GNG2: variants seen among roughly 807,000 people sequenced by gnomAD.
GNG2 encodes the protein guanine nucleotide-binding protein G(I)/G(S)/G(O) subunit gamma-2.
GNG2 carries 5 observed loss-of-function variants against 5.5 expected under a neutral mutation model. That is an observed-to-expected ratio of 0.91 (90% confidence interval 0.48 to 1.92). GNG2 has a LOEUF of 1.92. Among genes scored for constraint, GNG2 ranks in the 30% most tolerant of loss-of-function variants. The pLI is 0.01. For missense variants in GNG2, 55 were observed against 88.4 expected, an observed-to-expected ratio of 0.62 and a Z score of 1.52; for synonymous variants, 28 against 32.0, an observed-to-expected ratio of 0.88 and a Z score of 0.42.
At chr14:51,944,183 A>C (rs1347672155) in intron 2 of GNG2, among the ~76,000 whole-genome samples, 2 of 151,984 alleles carry the variant, frequency 1.3e-5, no homozygotes, top group Non-Finnish European at 2.9e-5. Flanking sequence ...TGCCAAGACA[A>C]TTTGTCTGAC....
chr14:51,861,761 A>G (rs774261762), intron 1 of GNG2, among the ~76,000 whole-genome samples: 19 of 152,236 alleles, frequency 1.2e-4, no homozygotes, highest in Non-Finnish European at 2.2e-4. Context: ...AGATTGTGAG[A>G]TTCCTCTGAC....
chr14:51,850,167 T>C (rs1881841364), intron 2 of GNG2, among the ~76,000 whole-genome samples: 1 of 152,206 alleles, frequency 6.6e-6, no homozygotes, highest in South Asian at 2.1e-4. Context: ...TCAGCTTCTG[T>C]TGTTTTCATT....
chr14:51,858,357 C>T (rs901639589), upstream of GNG2, among the ~76,000 whole-genome samples: 1 of 152,134 alleles, frequency 6.6e-6, no homozygotes, highest in Non-Finnish European at 1.5e-5. Flanking sequence ...TTGGCACCTC[C>T]CAACACTGGC....
chr14:51,965,732 G>A (rs1301757442), intron 3 of GNG2, among the ~76,000 whole-genome samples: 1 of 152,136 alleles, frequency 6.6e-6, no homozygotes, highest in Non-Finnish European at 1.5e-5. Context: ...AAATTGACAT[G>A]GTTTTAGGCA....
At chr14:51,841,114 T>C (rs1048819406) in intron 2 of GNG2, among the ~76,000 whole-genome samples, 20 of 152,204 alleles carry the variant, frequency 1.3e-4, no homozygotes, top group African/African-American at 4.6e-4. Context: ...TAGTTATTTA[T>C]ACATAGGTCC....
intron 2 of GNG2, among the ~76,000 whole-genome samples, chr14:51,839,614 G>T (rs1881429268): frequency 6.6e-6 from 1 of 152,150 alleles, no homozygotes; most frequent in South Asian, 2.1e-4. Context: ...TCAGACGCCA[G>T]GGGTTGGAGG....
chr14:51,923,518 T>C (rs1190319527), intron 2 of GNG2, among the ~76,000 whole-genome samples: 3 of 148,374 alleles, frequency 2.0e-5, no homozygotes, highest in African/African-American at 7.5e-5. Flanking sequence ...TATGTGTATA[T>C]ATATGTGTAT....
intron 2 of GNG2, among the ~76,000 whole-genome samples, chr14:51,925,215 AT>A (rs1887238463): frequency 6.6e-6 from 1 of 152,260 alleles, no homozygotes; most frequent in African/African-American, 2.4e-5. Context: ...ATGTATGAAA[AT>A]ATCACTGTGT....
rs1305248305 is a variant in GNG2, at chr14:51,914,160, A to AT, written c.-29-36489dup. Reference sequence around the variant, plus strand: ...GTTTTTGGGGGAATGGAGTCATTCCATATTGGCTCTTGAGTATGTCTGCCA... The same window carrying AT: ...GTTTTTGGGGGAATGGAGTCATTCCATTATTGGCTCTTGAGTATGTCTGCCA... On this transcript the variant is annotated intron_variant, in intron 2 of 3. Transcript: ENST00000556766. The AT allele has an allele frequency of 4.1e-5, 29 of 699,762 alleles. No homozygotes were observed. The East Asian group carries it at 7.8e-4, about 19-fold the overall frequency. The allele number at this position is 699,762 out of a possible 1,614,324, so 43.3% of individuals were successfully genotyped here. A position where few individuals can be genotyped will look rare whatever the true frequency, so the allele number is the denominator to read the frequency against.
At chr14:51,877,528 A>T (rs1457772335) in intron 1 of GNG2, 89 bp from the exon 2 acceptor site, 1 of 437,908 alleles carries the variant, frequency 2.3e-6, no homozygotes, top group Admixed American at 2.5e-5. Context: ...CCCGTTTCAG[A>T]AACTTCATTC....
intron 3 of GNG2, among the ~76,000 whole-genome samples, chr14:51,964,009 G>A (rs370182705): frequency 2.6e-5 from 4 of 152,308 alleles, no homozygotes; most frequent in East Asian, 1.9e-4. Flanking sequence ...CTTGGAAATA[G>A]GGTATTTGTA....
At chr14:51,935,663 CCTTT>C (rs1887950550) in intron 2 of GNG2, among the ~76,000 whole-genome samples, 1 of 152,032 alleles carries the variant, frequency 6.6e-6, no homozygotes, top group African/African-American at 2.4e-5. Flanking sequence ...TTTTCTTTCT[CCTTT>C]CTTTTCTTTT....
chr14:51,926,922 T>C (rs534704989), intron 2 of GNG2, among the ~76,000 whole-genome samples: 41 of 152,338 alleles, frequency 2.7e-4, no homozygotes, highest in African/African-American at 9.9e-4. Flanking sequence ...CCATTAGCAG[T>C]TCCATTTGGT....
chr14:51,838,877 A>G (rs951598121), intron 2 of GNG2, among the ~76,000 whole-genome samples: 1 of 152,188 alleles, frequency 6.6e-6, no homozygotes. Context: ...ACTGCACTGC[A>G]GCCTGGACAA....
chr14:51,966,209 CAAAA>C (rs34653524), intron 3 of GNG2, among the ~76,000 whole-genome samples: 74 of 28,128 alleles, frequency 2.6e-3, no homozygotes, highest in African/African-American at 0.01. Context: ...GACTGCATCT[CAAAA>C]AAAAAAAAAA....
rs1192154397 is a variant in GNG2 at position 51,909,565 on chromosome 14, G to A, written c.-30+31908G>A. ...TTTAAGACCAAAAAGGAAAATAAAG[G>A]GCCTGCTGTAAGATCATAGCAACCA... On this transcript the variant is annotated intron_variant, in intron 2 of 3. Coordinates refer to ENST00000556766, the MANE Select transcript of GNG2 (RefSeq NM_053064.5). Among the ~76,000 whole-genome samples the A allele has an allele frequency of 2.6e-5, 4 of 152,054 alleles. No individual in the cohort carries two copies. The East Asian group carries it at 5.8e-4, about 22-fold the overall frequency.
rs539364773 is a variant in GNG2 at position 51,961,502 on chromosome 14, A to G, written c.88-5057A>G. Among the ~76,000 whole-genome samples the G allele has an allele frequency of 7.4e-4, 113 of 152,330 alleles. 1 individual carries two copies. The highest frequency in any genetic ancestry group is 1.1e-3 in the Non-Finnish European group (76 of 68,016). On this transcript the variant is annotated intron_variant, in intron 3 of 3. Coordinates refer to ENST00000556766, the MANE Select transcript of GNG2 (RefSeq NM_053064.5). ...TGGTTCCTGCCTTCGTGGAGCCCAGAGCCTAAAGGGAAAGGCAAATATTAA... is the reference window on the plus strand; with the variant it reads ...TGGTTCCTGCCTTCGTGGAGCCCAGGGCCTAAAGGGAAAGGCAAATATTAA...
At chr14:51,865,602 A>G (rs1218789754) in intron 1 of GNG2, among the ~76,000 whole-genome samples, 1 of 152,140 alleles carries the variant, frequency 6.6e-6, no homozygotes. Context: ...TAAACAGTTC[A>G]TTAATTCCTC....
Position 51,966,224 on chromosome 14 carries a change from A to AAAAAAC in GNG2, c.88-330_88-329insCAAAAA, listed in dbSNP as rs1566720277. Among the ~76,000 whole-genome samples the AAAAAAC allele has an allele frequency of 2.0e-5, 3 of 148,294 alleles. No homozygotes were observed. The East Asian group carries it at 5.9e-4, about 29-fold the overall frequency. The stretch of plus-strand genomic sequence containing the variant: ...GACTGCATCTCAAAAAAAAAAAAAA[A>AAAAAAC]AAAAAAAAAAAAACAAATGAAGGAG... On this transcript the variant is annotated intron_variant, in intron 3 of 3. Transcript: ENST00000556766.
Sources: gnomAD v4.1 joint callset for allele counts (sites outside exome capture counted in the v4.1 genomes callset) on GRCh38, gnomAD v4.1.1 for gene constraint, MANE v1.5 for transcripts, NCBI Gene and HGNC (gene_info 2026-07-23, HGNC 2026-07-21) for gene names.